Variants in DPYD observed in about 807,000 individuals in gnomAD.
The protein encoded by DPYD is dihydropyrimidine dehydrogenase [NADP(+)].
Under a neutral mutation model 116.2 loss-of-function variants are expected in DPYD, and 109 were observed. The ratio of observed to expected loss-of-function variants is 0.94; its 90% CI spans 0.80 to 1.10. The LOEUF is 1.10. Ranked by LOEUF, DPYD falls within the 50% of genes least tolerant of loss-of-function variation. The probability of loss-of-function intolerance (pLI) is 0.00; values close to 1 mark genes in which losing one functional copy is unlikely to be tolerated. For missense variants in DPYD, 1,302 were observed against 1,254.5 expected (o/e 1.04, Z -0.57); for synonymous variants, 440 against 432.0 (o/e 1.02, Z -0.23).
rs1407039696 is a variant in DPYD, at chr1:97,385,335, G to A, written c.1906-2874C>T. ...AAAAAAAAAGAGAGAGAGAGATTAA[G>A]GACCTTATTTGAAAGGAAAAATCAA... On this transcript the variant is annotated intron_variant, in intron 14 of 22. Transcript: ENST00000370192. Among the ~76,000 whole-genome samples the A allele has an allele frequency of 3.8e-5, 4 of 104,514 alleles. No homozygotes were observed. In the East Asian group the frequency reaches 1.3e-3, roughly 34 times the overall value. The allele number at this position is 104,514 out of a possible 152,430, so 68.6% of individuals were successfully genotyped here.
chr1:97,191,982 G>GT (rs1658405918), intron 20 of DPYD, among the ~76,000 whole-genome samples: 1 of 152,038 alleles, frequency 6.6e-6, no homozygotes, highest in African/African-American at 2.4e-5. Context: ...CAGTCTTTCT[G>GT]TTTGATTGCC....
intron 12 of DPYD, among the ~76,000 whole-genome samples, chr1:97,535,439 A>G (rs1483261741): frequency 6.6e-6 from 1 of 152,130 alleles, no homozygotes; most frequent in Non-Finnish European, 1.5e-5. Context: ...GCAGTGGTTA[A>G]TTTCCTTAAT....
At chr1:97,431,091 C>T (rs530616650) in intron 14 of DPYD, among the ~76,000 whole-genome samples, 1 of 152,006 alleles carries the variant, frequency 6.6e-6, no homozygotes, top group African/African-American at 2.4e-5. Context: ...CCTTATGCAC[C>T]AGCCATTCTT....
intron 19 of DPYD, among the ~76,000 whole-genome samples, chr1:97,229,073 G>A (rs905484558): frequency 1.1e-4 from 17 of 151,404 alleles, no homozygotes; most frequent in African/African-American, 4.1e-4. Context: ...GCATGGTGGC[G>A]GGCACCTGTG....
intron 21 of DPYD, among the ~76,000 whole-genome samples, chr1:97,085,323 A>G (rs1649436950): frequency 6.6e-6 from 1 of 152,206 alleles, no homozygotes; most frequent in South Asian, 2.1e-4. Flanking sequence ...TATATGCCTT[A>G]GAAATTTTAC....
At chr1:97,684,422 CA>C (rs1364164267) in intron 7 of DPYD, among the ~76,000 whole-genome samples, 5 of 152,060 alleles carry the variant, frequency 3.3e-5, no homozygotes, top group African/African-American at 1.2e-4. Flanking sequence ...AGTTGTTTTG[CA>C]TTTGCTGAGG....
At chr1:97,646,629 C>T (rs1285797556) in intron 8 of DPYD, among the ~76,000 whole-genome samples, 3 of 151,838 alleles carry the variant, frequency 2.0e-5, no homozygotes, top group Admixed American at 1.3e-4. Flanking sequence ...GGAAAGTATG[C>T]TTATCTCTTG....
chr1:97,437,739 T>G (rs1675548119), intron 14 of DPYD, among the ~76,000 whole-genome samples: 1 of 152,032 alleles, frequency 6.6e-6, no homozygotes, highest in Non-Finnish European at 1.5e-5. Flanking sequence ...GTTTTTAATT[T>G]GTATCAAATC....
chr1:97,202,544 T>C (rs1384531599), intron 19 of DPYD, among the ~76,000 whole-genome samples: 1 of 152,198 alleles, frequency 6.6e-6, no homozygotes, highest in Non-Finnish European at 1.5e-5. Flanking sequence ...AGCCAGAATA[T>C]AATCATCAAT....
intron 5 of DPYD, among the ~76,000 whole-genome samples, chr1:97,716,661 C>T (rs1452346920): frequency 6.6e-6 from 1 of 151,814 alleles, no homozygotes; most frequent in Non-Finnish European, 1.5e-5. Flanking sequence ...AAAGAATAAA[C>T]TTTTTAAAAA....
At chr1:97,325,514 C>A (rs1263560108) in intron 16 of DPYD, among the ~76,000 whole-genome samples, 3 of 152,040 alleles carry the variant, frequency 2.0e-5, no homozygotes, top group Non-Finnish European at 4.4e-5. Flanking sequence ...CTGCCTCTAA[C>A]CATGAAAGCT....
At chr1:97,700,507 A>G (rs1240059603) in intron 5 of DPYD, among the ~76,000 whole-genome samples, 1 of 152,022 alleles carries the variant, frequency 6.6e-6, no homozygotes, top group Non-Finnish European at 1.5e-5. Context: ...TGAGGGGTAA[A>G]TAGCCAACCT....
intron 18 of DPYD, among the ~76,000 whole-genome samples, chr1:97,285,919 C>T (rs886519005): frequency 2.0e-5 from 3 of 152,132 alleles, no homozygotes; most frequent in African/African-American, 7.2e-5. Context: ...AGTCCATTTA[C>T]ATTTAAAGTT....
chr1:97,701,632 C>A (rs1037053807), intron 5 of DPYD, among the ~76,000 whole-genome samples: 2 of 151,640 alleles, frequency 1.3e-5, no homozygotes, highest in African/African-American at 4.8e-5. Context: ...TAACCTCATC[C>A]CACATATACC....
intron 16 of DPYD, among the ~76,000 whole-genome samples, chr1:97,359,765 T>A (rs1163213583): frequency 6.6e-6 from 1 of 152,060 alleles, no homozygotes; most frequent in African/African-American, 2.4e-5. Context: ...TGCTGAGAGA[T>A]TTTGTCACCA....
intron 11 of DPYD, among the ~76,000 whole-genome samples, chr1:97,563,703 T>C (rs1652327312): frequency 6.6e-6 from 1 of 152,136 alleles, no homozygotes. Context: ...AGTAAAATAA[T>C]TACAGAAATA....
chr1:97,506,560 A>G (rs1227291332), intron 13 of DPYD, among the ~76,000 whole-genome samples: 1 of 151,988 alleles, frequency 6.6e-6, no homozygotes, highest in East Asian at 1.9e-4. Context: ...AAACTGAATA[A>G]GAGGTACTTT....
chr1:97,760,263 C>T (rs186020556), intron 3 of DPYD, among the ~76,000 whole-genome samples: 160 of 152,144 alleles, frequency 1.1e-3, no homozygotes, highest in African/African-American at 3.7e-3. Flanking sequence ...TATTGGAAGC[C>T]CATCTTCATT....
At chr1:97,723,745 CT>C (rs1466653098) in intron 4 of DPYD, among the ~76,000 whole-genome samples, 1 of 151,416 alleles carries the variant, frequency 6.6e-6, no homozygotes, top group Non-Finnish European at 1.5e-5. Flanking sequence ...AATCATTAAG[CT>C]GTCAAAGTAT....
Sources: gnomAD v4.1 joint callset for allele counts (sites outside exome capture counted in the v4.1 genomes callset) on GRCh38, gnomAD v4.1.1 for gene constraint, MANE v1.5 for transcripts, NCBI Gene and HGNC (gene_info 2026-07-23, HGNC 2026-07-21) for gene names.